CHSY1: variants seen among roughly 807,000 people sequenced by gnomAD.
CHSY1 encodes N-acetylgalactosaminyl-proteoglycan 3-beta-glucuronosyltransferase 1.
A neutral mutation model predicts 59.8 loss-of-function variants in CHSY1; 13 were observed. The observed-to-expected ratio is 0.22, with a 90% CI of 0.14 to 0.35. CHSY1 has a LOEUF of 0.35. Ranked by LOEUF, CHSY1 falls within the 10% of genes least tolerant of loss-of-function variation. CHSY1 has a pLI of 1.00. For synonymous variants in CHSY1, 459 were observed against 401.2 expected (o/e 1.14, Z -1.72); for missense variants, 947 against 1,030.6 (o/e 0.92, Z 1.11).
At chr15:101,248,506 A>G (rs1261287109) in intron 1 of CHSY1, among the ~76,000 whole-genome samples, 2 of 152,224 alleles carry the variant, frequency 1.3e-5, no homozygotes, top group Non-Finnish European at 2.9e-5. Flanking sequence ...CTGGAGTGAC[A>G]TTAGCTGGAC....
intron 1 of CHSY1, among the ~76,000 whole-genome samples, chr15:101,250,269 C>T (rs2039093489): frequency 6.6e-6 from 1 of 152,220 alleles, no homozygotes. Flanking sequence ...CTATACTTCA[C>T]ACATATAGGG....
chr15:101,247,414 C>T (rs562459081), intron 1 of CHSY1, among the ~76,000 whole-genome samples: 2 of 152,298 alleles, frequency 1.3e-5, no homozygotes, highest in African/African-American at 4.8e-5. Flanking sequence ...CAACCCTGTT[C>T]TATTTTCTCT....
intron 2 of CHSY1, among the ~76,000 whole-genome samples, chr15:101,225,351 G>C (rs1357448722): frequency 1.3e-5 from 2 of 152,054 alleles, no homozygotes; most frequent in Admixed American, 6.6e-5. Flanking sequence ...AGCCACTGCT[G>C]AGCCTTGTTT....
intron 2 of CHSY1, 45 bp from the exon 3 acceptor site, chr15:101,179,025 T>G (rs750261264): frequency 1.3e-6 from 2 of 1,580,134 alleles, no homozygotes; most frequent in African/African-American, 2.7e-5. Flanking sequence ...TATTGTATGA[T>G]TGAGTGCCAG....
At chr15:101,216,388 C>G (rs991422316) in intron 2 of CHSY1, among the ~76,000 whole-genome samples, 2 of 152,196 alleles carry the variant, frequency 1.3e-5, no homozygotes, top group Admixed American at 6.5e-5. Context: ...AGTCATACTC[C>G]TAGATATTTA....
chr15:101,194,595 C>T lies in CHSY1; in HGVS notation c.817-15615G>A, dbSNP rs756535341. Among the ~76,000 whole-genome samples the T allele has an allele frequency of 1.8e-4, 27 of 152,270 alleles. No individual in the cohort carries two copies. The East Asian group carries it at 2.7e-3, about 15-fold the overall frequency. Reference sequence around the variant, plus strand: ...AGCTACATAATAATCAGGTGCTGAACGGAAGAGGATGCGACAGCTGCTTCT... The same window carrying T: ...AGCTACATAATAATCAGGTGCTGAATGGAAGAGGATGCGACAGCTGCTTCT... On this transcript the variant is annotated intron_variant, in intron 2 of 2. Coordinates refer to ENST00000254190, the MANE Select transcript of CHSY1 (RefSeq NM_014918.5).
At chr15:101,229,485 TA>T (rs1460594634) in intron 2 of CHSY1, among the ~76,000 whole-genome samples, 1 of 152,196 alleles carries the variant, frequency 6.6e-6, no homozygotes, top group East Asian at 1.9e-4. Context: ...TTTATAATGA[TA>T]AAAGTGTCTA....
intron 2 of CHSY1, among the ~76,000 whole-genome samples, chr15:101,206,889 C>T (rs2038632072): frequency 6.6e-6 from 1 of 152,160 alleles, no homozygotes; most frequent in Non-Finnish European, 1.5e-5. Flanking sequence ...CTCTAGGACA[C>T]CCATGTTTAT....
chr15:101,225,304 G>A (rs966197002), intron 2 of CHSY1, among the ~76,000 whole-genome samples: 1 of 152,094 alleles, frequency 6.6e-6, no homozygotes. Flanking sequence ...CTGGGCTCAA[G>A]TGATTCTCCC....
intron 2 of CHSY1, among the ~76,000 whole-genome samples, chr15:101,190,624 G>T (rs968173764): frequency 2.6e-5 from 4 of 152,218 alleles, no homozygotes; most frequent in Admixed American, 6.5e-5. Flanking sequence ...CTTAATTAAA[G>T]TTAAAAACTT....
chr15:101,248,539 C>T (rs1212481605), intron 1 of CHSY1, among the ~76,000 whole-genome samples: 1 of 152,198 alleles, frequency 6.6e-6, no homozygotes, highest in African/African-American at 2.4e-5. Flanking sequence ...TAGGCGTTTT[C>T]CTTTCTCAGA....
intron 1 of CHSY1, among the ~76,000 whole-genome samples, chr15:101,248,665 T>A (rs1419550239): frequency 6.6e-6 from 1 of 152,084 alleles, no homozygotes; most frequent in Non-Finnish European, 1.5e-5. Flanking sequence ...AAGTCTTACA[T>A]CCAGAAAAAG....
chr15:101,222,718 G>A (rs893245526), intron 2 of CHSY1, among the ~76,000 whole-genome samples: 1 of 152,144 alleles, frequency 6.6e-6, no homozygotes, highest in Non-Finnish European at 1.5e-5. Flanking sequence ...AGTTTTCTCC[G>A]ATTAAACTGG....
At chr15:101,246,065 A>G (rs1764130752) in intron 1 of CHSY1, among the ~76,000 whole-genome samples, 1 of 152,232 alleles carries the variant, frequency 6.6e-6, no homozygotes, top group Admixed American at 6.5e-5. Flanking sequence ...GGAAGAGATC[A>G]TTCACTGATA....
chr15:101,219,279 G>A (rs1463864327), intron 2 of CHSY1, among the ~76,000 whole-genome samples: 1 of 152,174 alleles, frequency 6.6e-6, no homozygotes, highest in Non-Finnish European at 1.5e-5. Flanking sequence ...CAAGTTAAGT[G>A]TCAGTTAGAA....
chr15:101,196,910 T>C (rs1048542566), intron 2 of CHSY1, among the ~76,000 whole-genome samples: 1 of 152,250 alleles, frequency 6.6e-6, no homozygotes, highest in Non-Finnish European at 1.5e-5. Context: ...CCACATTGGC[T>C]GTATGTGACC....
chr15:101,198,129 G>A (rs1014171324), intron 2 of CHSY1, among the ~76,000 whole-genome samples: 2 of 152,050 alleles, frequency 1.3e-5, no homozygotes, highest in East Asian at 1.9e-4. Context: ...CAGAGTGTGA[G>A]TGAGAGACCC....
chr15:101,248,496 C>G (rs578200265), intron 1 of CHSY1, among the ~76,000 whole-genome samples: 1 of 152,316 alleles, frequency 6.6e-6, no homozygotes, highest in South Asian at 2.1e-4. Context: ...TGTGAGAGAG[C>G]TGGAGTGACA....
chr15:101,215,598 G>GGTAGTGCATGCCT (rs1342653201), intron 2 of CHSY1, among the ~76,000 whole-genome samples: 1 of 152,226 alleles, frequency 6.6e-6, no homozygotes, highest in Non-Finnish European at 1.5e-5. Context: ...AGCCAGGCGT[G>GGTAGTGCATGCCT]GTAGTGCATG....
Sources: allele counts gnomAD v4.1 joint callset (sites outside exome capture counted in the v4.1 genomes callset), GRCh38; gene constraint gnomAD v4.1.1; transcripts MANE v1.5; gene names NCBI Gene and HGNC (gene_info 2026-07-23, HGNC 2026-07-21).